The following ZNF518A variants were observed in gnomAD, a reference collection of about 807,000 sequenced individuals.
The protein encoded by ZNF518A is zinc finger protein 518A, also known as zinc finger protein 518.
A neutral mutation model predicts 102.7 loss-of-function variants in ZNF518A; 47 were observed. The ratio of observed to expected loss-of-function variants is 0.46; its 90% confidence interval spans 0.36 to 0.58. ZNF518A has a LOEUF of 0.58. Among genes scored for constraint, ZNF518A ranks in the 20% least tolerant of loss-of-function variants. The probability of loss-of-function intolerance (pLI) is 0.00; values close to 1 mark genes in which losing one functional copy is unlikely to be tolerated. For synonymous variants in ZNF518A, 652 were observed against 594.6 expected (o/e 1.10, Z -1.40); for missense variants, 1,793 against 1,699.8 (o/e 1.05, Z -0.96).
intron 3 of ZNF518A, among the ~76,000 whole-genome samples, chr10:96,142,273 A>G (rs1554876798): frequency 6.6e-6 from 1 of 151,560 alleles, no homozygotes; most frequent in East Asian, 1.9e-4. Flanking sequence ...AGGGCACTAA[A>G]ATAGATTCTG....
At chr10:96,167,840 C>G (rs1016978228), downstream of ZNF518A, among the ~76,000 whole-genome samples, 2 of 152,160 alleles carry the variant, frequency 1.3e-5, no homozygotes, top group African/African-American at 4.8e-5. Context: ...CTAGGCAAAG[C>G]TTTCATAGCT....
In ZNF518A at chr10:96,156,428, A is replaced by G. The variant is rs1450502766; in HGVS notation, c.106A>G (p.Lys36Glu). 9 of 1,612,930 alleles carry G rather than the reference A, an allele frequency of 5.6e-6. No individual in the cohort carries two copies. Among genetic ancestry groups the G allele is most frequent in the South Asian group, 1.1e-5 (1 of 90,690 alleles). Residue 36 changes from lysine (K) to glutamate (E), a missense_variant, in exon 6 of 6, where the codon AAA becomes GAA. Coordinates refer to ENST00000316045, the MANE Select transcript of ZNF518A (RefSeq NM_001330736.2). ...EIVDRSAPKP[K>E]ISGSIHYALK... ...AGTTGATAGGTCGGCACCTAAACCA[A>G]AAATTTCAGGAAGTATTCATTATGC...
At position 96,146,478 on chromosome 10, in the gene ZNF518A, A is replaced by G. The variant is rs1025487445; in HGVS notation, c.-301-8848A>G. On this transcript the variant is annotated intron_variant, in intron 3 of 5. Transcript: ENST00000316045. ...TTAGAAATATGTAACATCTTTTGCA[A>G]TCTGATTAGCAGAAGTTTTCTTGTT... Among the ~76,000 whole-genome samples the G allele has an allele frequency of 2.6e-5, 4 of 151,944 alleles. No homozygotes were observed. The East Asian group carries it at 5.8e-4, about 22-fold the overall frequency.
At chr10:96,130,047 CT>C (rs1338060257), upstream of ZNF518A, 4 of 152,786 alleles carry the variant, frequency 2.6e-5, no homozygotes, top group Admixed American at 6.5e-5. Flanking sequence ...CTGCGATCAG[CT>C]TTTCGGCAAT....
upstream of ZNF518A, chr10:96,130,247 G>C (rs1281302164): frequency 2.0e-5 from 3 of 152,478 alleles, no homozygotes; most frequent in African/African-American, 7.2e-5. Context: ...TCCGCCTCTT[G>C]TGAGAGGAAG....
chr10:96,198,326 CAAAT>C (rs1175392968), intron 1 of ZNF518A, among the ~76,000 whole-genome samples: 1 of 152,026 alleles, frequency 6.6e-6, no homozygotes, highest in Non-Finnish European at 1.5e-5. Flanking sequence ...AGAAGAAAAA[CAAAT>C]AAGGGAACAG....
chr10:96,169,167 A>G (rs2083159651), intron 1 of ZNF518A, among the ~76,000 whole-genome samples: 1 of 150,270 alleles, frequency 6.7e-6, no homozygotes, highest in Non-Finnish European at 1.5e-5. Flanking sequence ...TAGCCCAGCT[A>G]ACTTTTAAAA....
intron 3 of ZNF518A, among the ~76,000 whole-genome samples, chr10:96,150,603 G>T (rs587652032): frequency 3.4e-5 from 5 of 147,942 alleles, no homozygotes; most frequent in Admixed American, 6.7e-5. Context: ...TATTCCTCCC[G>T]CATCTACTTT....
intron 1 of ZNF518A, among the ~76,000 whole-genome samples, chr10:96,196,102 T>C (rs2083458429): frequency 6.6e-6 from 1 of 152,232 alleles, no homozygotes; most frequent in African/African-American, 2.4e-5. Flanking sequence ...TGTACCTTTT[T>C]CTGAAGGAAT....
In ZNF518A at chr10:96,183,578, G is replaced by A. The variant is rs961472734; in HGVS notation, n.36-19996G>A. ...GCCTTCATTTTGTTATTTACCCAGT[G>A]GTCATTCAGGAGCAGGTTGTTCAGT... On this transcript the variant is annotated intron_variant and non_coding_transcript_variant, in intron 1 of 2. Transcript: ENST00000442635. Among the ~76,000 whole-genome samples the A allele has an allele frequency of 5.9e-5, 9 of 152,140 alleles. No individual in the cohort carries two copies. The East Asian group carries it at 1.2e-3, about 20-fold the overall frequency.
intron 1 of ZNF518A, chr10:96,197,023 G>T (rs782433581): frequency 6.2e-7 from 1 of 1,612,906 alleles, no homozygotes; most frequent in South Asian, 1.1e-5. Flanking sequence ...TGGTTGTTTG[G>T]AATCATGGCC....
chr10:96,183,487 G>A (rs1169014312), intron 1 of ZNF518A, among the ~76,000 whole-genome samples: 2 of 152,192 alleles, frequency 1.3e-5, no homozygotes, highest in Non-Finnish European at 2.9e-5. Context: ...TGCTTTAAAT[G>A]TGTCACAGAG....
chr10:96,133,381 A>C (rs2081436404), intron 2 of ZNF518A, among the ~76,000 whole-genome samples: 1 of 152,190 alleles, frequency 6.6e-6, no homozygotes, highest in African/African-American at 2.4e-5. Flanking sequence ...CTTGGGAATC[A>C]CTATAGTGTT....
At chr10:96,137,298 G>A (rs1204650537) in intron 3 of ZNF518A, among the ~76,000 whole-genome samples, 2 of 151,726 alleles carry the variant, frequency 1.3e-5, no homozygotes, top group East Asian at 3.9e-4. Flanking sequence ...TTTAATAAGC[G>A]TGCAGTCATA....
chr10:96,187,677 C>A (rs781866264), intron 1 of ZNF518A, among the ~76,000 whole-genome samples: 2 of 152,236 alleles, frequency 1.3e-5, no homozygotes, highest in Admixed American at 6.5e-5. Flanking sequence ...TACTTTTCAA[C>A]AGAAGACAAG....
intron 3 of ZNF518A, among the ~76,000 whole-genome samples, chr10:96,140,075 C>T (rs1232957009): frequency 1.3e-5 from 2 of 152,018 alleles, no homozygotes; most frequent in African/African-American, 4.8e-5. Flanking sequence ...TCAGGCTGGT[C>T]TCAAACTCCC....
rs372347446 is a variant in ZNF518A, at chr10:96,144,592, T to C, written c.-301-10734T>C. ...GAAAATCTAAAGAGCCCAGAAATCA[T>C]AGAAGAACTTGCAAAGGTTGTAAGG... On this transcript the variant is annotated intron_variant, in intron 3 of 5. Transcript: ENST00000316045. Among the ~76,000 whole-genome samples, 30 of 152,300 alleles carry C rather than the reference T, an allele frequency of 2.0e-4. No individual in the cohort carries two copies. In the South Asian group the frequency reaches 4.8e-3, roughly 24 times the overall value.
intron 3 of ZNF518A, among the ~76,000 whole-genome samples, chr10:96,143,267 T>G: frequency 6.6e-6 from 1 of 152,212 alleles, no homozygotes; most frequent in East Asian, 1.9e-4. Context: ...AATGTACTGC[T>G]TTTATAACTT....
chr10:96,193,661 C>T (rs2083384734), intron 1 of ZNF518A, among the ~76,000 whole-genome samples: 1 of 152,186 alleles, frequency 6.6e-6, no homozygotes, highest in African/African-American at 2.4e-5. Flanking sequence ...GAGACAGATA[C>T]ATTCAGTGTA....
Sources: allele counts gnomAD v4.1 joint callset (sites outside exome capture counted in the v4.1 genomes callset), GRCh38; gene constraint gnomAD v4.1.1; transcripts MANE v1.5; gene names NCBI Gene and HGNC (gene_info 2026-07-23, HGNC 2026-07-21).